The following DLGAP5 variants were observed in gnomAD, a reference collection of about 807,000 sequenced individuals.
The protein encoded by DLGAP5 is disks large-associated protein 5.
DLGAP5 carries 90 observed loss-of-function variants against 99.6 expected under a neutral mutation model. That is an observed-to-expected ratio of 0.90 (90% CI 0.76 to 1.08). DLGAP5 has a LOEUF of 1.08. Among genes scored for constraint, DLGAP5 ranks in the 50% least tolerant of loss-of-function variants. The probability of loss-of-function intolerance (pLI) is 0.00; values close to 1 mark genes in which losing one functional copy is unlikely to be tolerated. For synonymous variants in DLGAP5, 311 were observed against 321.3 expected, an observed-to-expected ratio of 0.97 and a Z score of 0.34; for missense variants, 1,036 against 983.5, an observed-to-expected ratio of 1.05 and a Z score of -0.71.
At chr14:55,170,573 G>GA (rs143641977) in intron 11 of DLGAP5, 129 bp downstream of exon 11, 26,365 of 760,910 alleles carry the variant, frequency 0.035, 2,134 homozygotes, top group African/African-American at 0.25. Flanking sequence ...AGTTAAAAAA[G>GA]AAAAAATTCT....
At chr14:55,158,360 T>A (rs534464451) in intron 14 of DLGAP5, among the ~76,000 whole-genome samples, 162 bp downstream of exon 14, 1 of 152,318 alleles carries the variant, frequency 6.6e-6, no homozygotes, top group South Asian at 2.1e-4. Context: ...TTTACAGTGT[T>A]TGTGAGCGAG....
At chr14:55,179,411 T>C (rs1176601573) in intron 7 of DLGAP5, among the ~76,000 whole-genome samples, 1 of 152,232 alleles carries the variant, frequency 6.6e-6, no homozygotes, top group African/African-American at 2.4e-5. Flanking sequence ...CTCCATCTTC[T>C]AACAAAATTA....
At chr14:55,161,559 G>A (rs997178389) in intron 13 of DLGAP5, among the ~76,000 whole-genome samples, 25 of 150,510 alleles carry the variant, frequency 1.7e-4, no homozygotes, top group Admixed American at 4.0e-4. Flanking sequence ...ACAGGCATGC[G>A]CCACCTCGCC....
At chr14:55,175,527 G>A in intron 9 of DLGAP5, 55 bp from the exon 10 acceptor site, 1 of 1,032,450 alleles carries the variant, frequency 9.7e-7, no homozygotes, top group Non-Finnish European at 1.4e-6. Flanking sequence ...TTCCTAAAAT[G>A]ACAGCCCCTA....
intron 2 of DLGAP5, among the ~76,000 whole-genome samples, chr14:55,187,960 A>C (rs1047251392): frequency 1.3e-5 from 2 of 152,152 alleles, no homozygotes; most frequent in African/African-American, 4.8e-5. Flanking sequence ...AAAACATATC[A>C]GGCACACTCC....
chr14:55,179,632 G>T lies in DLGAP5; in HGVS notation c.771C>A (p.Asp257Glu). ...RPAKNVETKP[D>E]KGISCKVDSE... ...TAAAAAGATGTTTATTCTCTACCTTGTCGGGTTTTGTTTCTACATTTTTGG... is the reference window on the plus strand; with the variant it reads ...TAAAAAGATGTTTATTCTCTACCTTTTCGGGTTTTGTTTCTACATTTTTGG... Residue 257 changes from aspartate (D) to glutamate (E), a missense_variant, in exon 7 of 19, where the codon GAC (aspartate) becomes GAA (glutamate). Coordinates refer to ENST00000247191, the MANE Select transcript of DLGAP5 (RefSeq NM_014750.5). The T allele has an allele frequency of 6.2e-7, 1 of 1,610,770 alleles. No homozygotes were observed.
intron 15 of DLGAP5, among the ~76,000 whole-genome samples, chr14:55,153,779 C>T (rs1443371952): frequency 2.6e-5 from 4 of 151,966 alleles, no homozygotes; most frequent in Admixed American, 6.6e-5. Flanking sequence ...CAAAGTAGGC[C>T]GGGCATGGTG....
Position 55,191,493 on chromosome 14 carries a change from C to G in DLGAP5, c.-32G>C, listed in dbSNP as rs748063467. 6.5e-6 allele frequency: 1 copy of G among 153,050 alleles called. No individual in the cohort carries two copies. The highest frequency in any genetic ancestry group is 1.5e-5 in the Non-Finnish European group (1 of 68,240). 9.5% of individuals were successfully genotyped at this position (153,050 alleles called of 1,614,324 possible). ...CCACCTTCTAGCGTGAAACCTCAAC[C>G]AAACAAAAAGTAAAGAACACTCGGT... On this transcript the variant is annotated 5_prime_UTR_variant, in exon 1 of 19. Coordinates refer to ENST00000247191, the MANE Select transcript of DLGAP5 (RefSeq NM_014750.5).
intron 10 of DLGAP5, among the ~76,000 whole-genome samples, chr14:55,173,466 A>T (rs962337718): frequency 6.6e-5 from 10 of 152,076 alleles, no homozygotes; most frequent in African/African-American, 2.4e-4. Flanking sequence ...CTCAAAAAGT[A>T]TATTTATAAT....
intron 18 of DLGAP5, 153 bp downstream of exon 18, chr14:55,150,646 C>G: frequency 1.8e-6 from 1 of 541,644 alleles, no homozygotes; most frequent in South Asian, 2.9e-5. Flanking sequence ...ATATAAACAC[C>G]AAATTTTTCT....
chr14:55,175,571 A>C (rs541342988), intron 9 of DLGAP5, 99 bp from the exon 10 acceptor site: 14 of 792,056 alleles, frequency 1.8e-5, no homozygotes, highest in South Asian at 5.8e-5. Flanking sequence ...TCAATGTTTA[A>C]TTTTAAAATT....
intron 10 of DLGAP5, among the ~76,000 whole-genome samples, chr14:55,174,493 C>T (rs200823662): frequency 6.6e-6 from 1 of 151,350 alleles, no homozygotes; most frequent in Non-Finnish European, 1.5e-5. Context: ...TTTGAAAATC[C>T]CTAATAAAAA....
intron 1 of DLGAP5, among the ~76,000 whole-genome samples, chr14:55,189,873 G>A (rs1013604785): frequency 1.3e-5 from 2 of 152,032 alleles, no homozygotes; most frequent in Non-Finnish European, 2.9e-5. Context: ...TCAACCTTCA[G>A]CTCCTCTCCC....
chr14:55,154,624 C>T lies in DLGAP5; in HGVS notation c.2056G>A (p.Glu686Lys). 1.2e-6 allele frequency: 2 copies of T among 1,613,574 alleles called. No individual in the cohort carries two copies. Among genetic ancestry groups the T allele is most frequent in the Non-Finnish European group, 1.7e-6 (2 of 1,179,582 alleles). Reference sequence around the variant, plus strand: ...AACATGTTAAAGAAATACCTGCTTTCAGGAATACTCAAAAACAAAGTCTTC... The same window carrying T: ...AACATGTTAAAGAAATACCTGCTTTTAGGAATACTCAAAAACAAAGTCTTC... ...VKKTLFLSIP[E>K]SRSSIEDAQC... The change falls in exon 15 of 19, where the codon GAA (glutamate) becomes AAA (lysine). Residue 686 changes from glutamate (E) to lysine (K), a missense_variant. By Grantham distance (56) the Glu-to-Lys change is moderately conservative. Coordinates refer to ENST00000247191, the MANE Select transcript of DLGAP5 (RefSeq NM_014750.5).
chr14:55,169,431 G>C lies in DLGAP5; in HGVS notation c.1516C>G (p.Leu506Val). 6.3e-7 allele frequency: 1 copy of C among 1,585,848 alleles called. No individual in the cohort carries two copies. Among genetic ancestry groups the C allele is most frequent in the South Asian group, 1.2e-5 (1 of 86,068 alleles). ...RGIKETTCTD[L>V]DGFWDMVSFQ... ...CTAACCATATCCCAAAATCCATCCA[G>C]ATCTGTACAGGTAGTCTCCTTTATA... Residue 506 changes from leucine (L) to valine (V), a missense_variant, in exon 12 of 19, where the codon CTG (leucine) becomes GTG (valine). Physicochemically the swap from Leu to Val is conservative, Grantham distance 32. Coordinates refer to ENST00000247191, the MANE Select transcript of DLGAP5 (RefSeq NM_014750.5).
chr14:55,159,086 A>G (rs1298576220), intron 13 of DLGAP5, among the ~76,000 whole-genome samples: 1 of 151,710 alleles, frequency 6.6e-6, no homozygotes, highest in Non-Finnish European at 1.5e-5. Context: ...AGTAAATAAA[A>G]AAAAAGTAAA....
At chr14:55,155,436 T>C (rs1340931818) in intron 14 of DLGAP5, among the ~76,000 whole-genome samples, 6 of 151,332 alleles carry the variant, frequency 4.0e-5, no homozygotes, top group African/African-American at 1.5e-4. Flanking sequence ...AACCTCCGCC[T>C]CCTGGGTTCA....
chr14:55,158,031 G>A (rs1882274792), intron 14 of DLGAP5, among the ~76,000 whole-genome samples: 1 of 152,204 alleles, frequency 6.6e-6, no homozygotes, highest in Admixed American at 6.5e-5. Flanking sequence ...TCAAAGTACT[G>A]GGATTATAGG....
At chr14:55,156,181 T>C (rs1317897924) in intron 14 of DLGAP5, among the ~76,000 whole-genome samples, 1 of 151,586 alleles carries the variant, frequency 6.6e-6, no homozygotes, top group Non-Finnish European at 1.5e-5. Context: ...TCTCTGCAAG[T>C]GGAGATGAAA....
Sources: allele counts gnomAD v4.1 joint callset (sites outside exome capture counted in the v4.1 genomes callset), GRCh38; gene constraint gnomAD v4.1.1; transcripts MANE v1.5; gene names NCBI Gene and HGNC (gene_info 2026-07-23, HGNC 2026-07-21).